Variants in METTL25 observed in about 807,000 individuals in gnomAD.
METTL25 encodes probable methyltransferase-like protein 25.
METTL25 carries 64 observed loss-of-function variants against 71.6 expected under a neutral mutation model. That is an observed-to-expected ratio of 0.89 (90% CI 0.73 to 1.10). METTL25 has a LOEUF of 1.10. Ranked by LOEUF, METTL25 falls within the 50% of genes least tolerant of loss-of-function variation. The pLI is 0.00. For synonymous variants in METTL25, 287 were observed against 250.3 expected (o/e 1.15, Z -1.38); for missense variants, 807 against 707.0 (o/e 1.14, Z -1.60).
At chr12:82,456,517 CTA>C (rs1891498388) in intron 8 of METTL25, among the ~76,000 whole-genome samples, 1 of 151,934 alleles carries the variant, frequency 6.6e-6, no homozygotes, top group Non-Finnish European at 1.5e-5. Context: ...GCCTTCACTG[CTA>C]TATGTTATAA....
intron 1 of METTL25, among the ~76,000 whole-genome samples, chr12:82,365,975 G>A (rs1882522985): frequency 6.6e-6 from 1 of 152,060 alleles, no homozygotes; most frequent in African/African-American, 2.4e-5. Context: ...CCAGCTACTC[G>A]GGAGGTTGAG....
intron 1 of METTL25, among the ~76,000 whole-genome samples, chr12:82,378,191 T>A (rs10778902): frequency 6.6e-6 from 1 of 152,092 alleles, no homozygotes; most frequent in Non-Finnish European, 1.5e-5. Context: ...TGACAGTCAC[T>A]GAGGCTTAAT....
chr12:82,390,020 G>A, intron 3 of METTL25, 98 bp downstream of exon 3: 2 of 687,304 alleles, frequency 2.9e-6, no homozygotes, highest in Non-Finnish European at 5.2e-6. Context: ...CCTTTAAAAT[G>A]TCATTAAATA....
At chr12:82,400,823 G>T (rs1156748749) in intron 4 of METTL25, among the ~76,000 whole-genome samples, 1 of 151,990 alleles carries the variant, frequency 6.6e-6, no homozygotes, top group African/African-American at 2.4e-5. Flanking sequence ...GGATAATATG[G>T]TGACTACATA....
At chr12:82,398,582 C>A (rs937434528) in intron 3 of METTL25, among the ~76,000 whole-genome samples, 1 of 151,750 alleles carries the variant, frequency 6.6e-6, no homozygotes, top group East Asian at 1.9e-4. Flanking sequence ...TTATTTATTT[C>A]TTTTGCTTCT....
intron 8 of METTL25, among the ~76,000 whole-genome samples, chr12:82,441,347 A>G (rs1433083285): frequency 5.3e-5 from 8 of 151,698 alleles, no homozygotes; most frequent in Non-Finnish European, 1.2e-4. Context: ...TAGCTATGTG[A>G]TGAAACAAGA....
chr12:82,384,393 CT>C (rs1884751862), intron 1 of METTL25, among the ~76,000 whole-genome samples: 4 of 150,538 alleles, frequency 2.7e-5, no homozygotes, highest in African/African-American at 9.8e-5. Context: ...CTCTCTCTCT[CT>C]CTGTCTTCCT....
intron 5 of METTL25, among the ~76,000 whole-genome samples, chr12:82,418,951 T>G (rs1476515673): frequency 6.6e-6 from 1 of 152,134 alleles, no homozygotes; most frequent in African/African-American, 2.4e-5. Context: ...TATGACAAGT[T>G]AAAGCAAAAG....
intron 9 of METTL25, among the ~76,000 whole-genome samples, chr12:82,475,359 A>G (rs934281612): frequency 6.6e-6 from 1 of 152,170 alleles, no homozygotes; most frequent in Non-Finnish European, 1.5e-5. Flanking sequence ...AACTTTTAAA[A>G]AGGATGGGGA....
chr12:82,414,610 A>G (rs948440354), intron 5 of METTL25, among the ~76,000 whole-genome samples: 2 of 152,198 alleles, frequency 1.3e-5, no homozygotes, highest in Non-Finnish European at 2.9e-5. Flanking sequence ...GAAAATGAAT[A>G]TGTCCACTTA....
At position 82,421,854 on chromosome 12, in the gene METTL25, T is replaced by C. The variant is rs532734348; in HGVS notation, c.1280-9039T>C. Among the ~76,000 whole-genome samples, 5 of 152,232 alleles carry C rather than the reference T, an allele frequency of 3.3e-5. No individual in the cohort carries two copies. The South Asian group carries it at 1.0e-3, about 32-fold the overall frequency. On this transcript the variant is annotated intron_variant, in intron 5 of 11. Coordinates refer to ENST00000248306, the MANE Select transcript of METTL25 (RefSeq NM_032230.3). ...CTCCCAAGACTAAACCAGGAAGAAGTTGAATCTCTTAATAGAACAATAACA... is the reference window on the plus strand; with the variant it reads ...CTCCCAAGACTAAACCAGGAAGAAGCTGAATCTCTTAATAGAACAATAACA...
At position 82,382,757 on chromosome 12, in the gene METTL25, C is replaced by T. The variant is rs561637068; in HGVS notation, c.260-4046C>T. Among the ~76,000 whole-genome samples, 50 of 152,000 alleles carry T rather than the reference C, an allele frequency of 3.3e-4. No homozygotes were observed. In the South Asian group the frequency reaches 9.4e-3, roughly 28 times the overall value. On this transcript the variant is annotated intron_variant, in intron 1 of 11. Transcript: ENST00000248306. ...TTGACTCAGGGTCTTGCTCTGTTGC[C>T]CAGGCTGGAGTGCAGTGTCATGATG...
chr12:82,429,357 A>G (rs75809015), intron 5 of METTL25, among the ~76,000 whole-genome samples: 2,255 of 139,932 alleles, frequency 0.016, 107 homozygotes, highest in East Asian at 0.15. Flanking sequence ...GTTTCTACCC[A>G]TATTGCTGCA....
chr12:82,358,960 A>T, intron 1 of METTL25, 136 bp downstream of exon 1: 8 of 752,940 alleles, frequency 1.1e-5, no homozygotes, highest in Non-Finnish European at 1.6e-5. Flanking sequence ...GAAACCGAGG[A>T]GGGGTCGGAT....
chr12:82,360,187 T>C (rs560880447), intron 1 of METTL25, among the ~76,000 whole-genome samples: 26 of 152,184 alleles, frequency 1.7e-4, no homozygotes, highest in Admixed American at 3.9e-4. Flanking sequence ...AGTGTAAGAC[T>C]TTAATACGTG....
At chr12:82,374,652 G>A (rs1799657644) in intron 1 of METTL25, among the ~76,000 whole-genome samples, 1 of 152,172 alleles carries the variant, frequency 6.6e-6, no homozygotes, top group African/African-American at 2.4e-5. Context: ...TCTGTTTGTT[G>A]AATTTAATAT....
intron 8 of METTL25, among the ~76,000 whole-genome samples, chr12:82,440,237 C>CT (rs1272587627): frequency 6.6e-6 from 1 of 151,922 alleles, no homozygotes; most frequent in Non-Finnish European, 1.5e-5. Context: ...TATATTTCCT[C>CT]TTTCTCTTAG....
chr12:82,381,636 A>G (rs1884453419), intron 1 of METTL25, among the ~76,000 whole-genome samples: 1 of 152,234 alleles, frequency 6.6e-6, no homozygotes, highest in South Asian at 2.1e-4. Context: ...GACTCAAAAC[A>G]TTCGGAAAAC....
At chr12:82,459,616 G>A (rs1891725942) in intron 9 of METTL25, among the ~76,000 whole-genome samples, 1 of 152,224 alleles carries the variant, frequency 6.6e-6, no homozygotes, top group Admixed American at 6.5e-5. Context: ...GACAGAGCAA[G>A]ACTCTGTCTC....
Sources: gnomAD v4.1 joint callset for allele counts (sites outside exome capture counted in the v4.1 genomes callset) on GRCh38, gnomAD v4.1.1 for gene constraint, MANE v1.5 for transcripts, NCBI Gene and HGNC (gene_info 2026-07-23, HGNC 2026-07-21) for gene names.